The following SPATA6 variants were observed in gnomAD, a reference collection of about 807,000 sequenced individuals.
The protein encoded by SPATA6 is spermatogenesis associated 6.
SPATA6 carries 56 observed loss-of-function variants against 65.3 expected under a neutral mutation model. That is an observed-to-expected ratio of 0.86 (90% CI 0.69 to 1.07). SPATA6 has a LOEUF of 1.07. Among genes scored for constraint, SPATA6 ranks in the 50% least tolerant of loss-of-function variants. The pLI is 0.00. For synonymous variants in SPATA6, 199 were observed against 213.2 expected (o/e 0.93, Z 0.58); for missense variants, 590 against 594.8 (o/e 0.99, Z 0.08).
At chr1:48,372,535 G>A (rs1051124999) in intron 9 of SPATA6, among the ~76,000 whole-genome samples, 3 of 152,164 alleles carry the variant, frequency 2.0e-5, no homozygotes, top group East Asian at 1.9e-4. Flanking sequence ...TTTTGCAGGC[G>A]CATGGTGCAA....
intron 11 of SPATA6, among the ~76,000 whole-genome samples, chr1:48,326,798 C>T (rs2148717872): frequency 6.6e-6 from 1 of 152,168 alleles, no homozygotes; most frequent in South Asian, 2.1e-4. Flanking sequence ...ATTAGCTAGC[C>T]ATATGCAAAA....
At chr1:48,304,052 T>C (rs1392253347) in intron 12 of SPATA6, among the ~76,000 whole-genome samples, 3 of 152,212 alleles carry the variant, frequency 2.0e-5, no homozygotes, top group Admixed American at 1.3e-4. Context: ...GGAGGTTGAT[T>C]ACTTTGAGTG....
At chr1:48,408,886 T>C (rs1222245019) in intron 5 of SPATA6, among the ~76,000 whole-genome samples, 1 of 152,132 alleles carries the variant, frequency 6.6e-6, no homozygotes, top group Non-Finnish European at 1.5e-5. Flanking sequence ...ACCAGGTCCC[T>C]CCCATAGCAC....
intron 3 of SPATA6, chr1:48,437,204 A>T: frequency 6.2e-7 from 1 of 1,611,792 alleles, no homozygotes; most frequent in South Asian, 1.1e-5. Flanking sequence ...GATGAAAAAG[A>T]CTCATACTTG....
At chr1:48,465,704 C>T (rs769151776) in intron 1 of SPATA6, among the ~76,000 whole-genome samples, 13 of 152,038 alleles carry the variant, frequency 8.6e-5, no homozygotes, top group East Asian at 1.9e-4. Flanking sequence ...CAGTTTCAAA[C>T]GTGAGATGAT....
intron 9 of SPATA6, among the ~76,000 whole-genome samples, chr1:48,361,112 G>C (rs1367462776): frequency 1.3e-5 from 2 of 152,150 alleles, no homozygotes; most frequent in East Asian, 1.9e-4. Flanking sequence ...GTAATTACTA[G>C]AGTCTAAATG....
Position 48,361,486 on chromosome 1 carries a change from A to C in SPATA6, c.910-1716T>G, listed in dbSNP as rs542686329. On this transcript the variant is annotated intron_variant, in intron 9 of 12. Coordinates refer to ENST00000371847, the MANE Select transcript of SPATA6 (RefSeq NM_019073.4). ...GAAAATCTGAAGTTGAATTCAAGAG[A>C]GAATAAGAGGAGAGGAATTGGATTC... Among the ~76,000 whole-genome samples the C allele has an allele frequency of 2.6e-5, 4 of 152,162 alleles. No individual in the cohort carries two copies. In the South Asian group the frequency reaches 6.2e-4, roughly 24 times the overall value.
intron 1 of SPATA6, among the ~76,000 whole-genome samples, chr1:48,456,519 A>G (rs1657015721): frequency 6.6e-6 from 1 of 151,964 alleles, no homozygotes; most frequent in African/African-American, 2.4e-5. Flanking sequence ...AAGAGCAGTC[A>G]ATAAAAACTG....
At chr1:48,434,717 T>C (rs1654736169) in intron 3 of SPATA6, among the ~76,000 whole-genome samples, 1 of 152,136 alleles carries the variant, frequency 6.6e-6, no homozygotes, top group African/African-American at 2.4e-5. Flanking sequence ...TGTGTGTGTC[T>C]GTAGATGAAA....
intron 11 of SPATA6, 68 bp from the exon 12 acceptor site, chr1:48,305,946 T>G (rs1645052073): frequency 8.5e-7 from 1 of 1,178,850 alleles, no homozygotes; most frequent in African/African-American, 1.5e-5. Flanking sequence ...ATATGTTTCT[T>G]CATAAAATGC....
downstream of SPATA6, among the ~76,000 whole-genome samples, chr1:48,294,556 A>G (rs1644788639): frequency 6.6e-6 from 1 of 152,054 alleles, no homozygotes; most frequent in South Asian, 2.1e-4. Context: ...TGACTTCATT[A>G]TTTTTATCTG....
At chr1:48,289,089 C>T in the SPATA6 span, among the ~76,000 whole-genome samples, 1 of 152,230 alleles carries the variant, frequency 6.6e-6, no homozygotes, top group African/African-American at 2.4e-5. Flanking sequence ...CTAGGAGGCA[C>T]CTCCCAGTAG....
chr1:48,407,608 A>G (rs764975623), intron 5 of SPATA6, among the ~76,000 whole-genome samples: 1 of 152,224 alleles, frequency 6.6e-6, no homozygotes, highest in South Asian at 2.1e-4. Flanking sequence ...AGAGCATCCC[A>G]GGCAAGAATG....
At chr1:48,363,279 G>C (rs957416742) in intron 9 of SPATA6, among the ~76,000 whole-genome samples, 1 of 152,058 alleles carries the variant, frequency 6.6e-6, no homozygotes, top group Non-Finnish European at 1.5e-5. Flanking sequence ...GTGAGTTTCC[G>C]TTAGATCATT....
At chr1:48,410,333 CTTCA>C (rs961091469) in intron 5 of SPATA6, among the ~76,000 whole-genome samples, 57 of 152,284 alleles carry the variant, frequency 3.7e-4, no homozygotes, top group African/African-American at 1.3e-3. Context: ...TCCGTCTGGA[CTTCA>C]TTGTCTATAT....
At chr1:48,444,624 A>C (rs188021191) in intron 3 of SPATA6, among the ~76,000 whole-genome samples, 69 of 152,250 alleles carry the variant, frequency 4.5e-4, no homozygotes, top group Admixed American at 2.3e-3. Flanking sequence ...ATAGGCGGGG[A>C]CAAATAAGAG....
chr1:48,420,706 C>A (rs1447715569), intron 3 of SPATA6, among the ~76,000 whole-genome samples: 1 of 152,048 alleles, frequency 6.6e-6, no homozygotes, highest in African/African-American at 2.4e-5. Flanking sequence ...GTATAAGAGC[C>A]AGGGAGGCAA....
At position 48,371,921 on chromosome 1, in the gene SPATA6, T is replaced by C. The variant is rs371705692; in HGVS notation, c.910-12151A>G. On this transcript the variant is annotated intron_variant, in intron 9 of 12. Transcript: ENST00000371847. Reference sequence around the variant, plus strand: ...CAGATCTCATGACACTTATTTACTATCATGAGAGCAGCATGGGAAAGACAG... The same window carrying C: ...CAGATCTCATGACACTTATTTACTACCATGAGAGCAGCATGGGAAAGACAG... Among the ~76,000 whole-genome samples, 21 of 152,118 alleles carry C rather than the reference T, an allele frequency of 1.4e-4. 1 individual carries two copies. Among genetic ancestry groups the C allele is most frequent in the African/African-American group, 5.1e-4 (21 of 41,424 alleles).
chr1:48,362,869 G>T (rs972847856), intron 9 of SPATA6, among the ~76,000 whole-genome samples: 2 of 152,128 alleles, frequency 1.3e-5, no homozygotes, highest in African/African-American at 4.8e-5. Context: ...TATCATAGAG[G>T]TGGGAGGGAT....
Sources: allele counts gnomAD v4.1 joint callset (sites outside exome capture counted in the v4.1 genomes callset), GRCh38; gene constraint gnomAD v4.1.1; transcripts MANE v1.5; gene names NCBI Gene and HGNC (gene_info 2026-07-23, HGNC 2026-07-21).